Variants in KIF5B observed in about 807,000 individuals in gnomAD.
KIF5B encodes kinesin-1 heavy chain.
A neutral mutation model predicts 132.8 loss-of-function variants in KIF5B; 49 were observed. The ratio of observed to expected loss-of-function variants is 0.37; its 90% CI spans 0.29 to 0.47. The LOEUF is 0.47. KIF5B is among the 20% of genes least tolerant of loss of function. KIF5B has a pLI of 1.00. For synonymous variants in KIF5B, 355 were observed against 369.4 expected (o/e 0.96, Z 0.45); for missense variants, 780 against 1,144.0 (o/e 0.68, Z 4.59).
chr10:32,021,361 G>T, intron 17 of KIF5B, 74 bp from the exon 18 acceptor site: 2 of 1,040,708 alleles, frequency 1.9e-6, no homozygotes, highest in African/African-American at 1.6e-5. Flanking sequence ...GGAGCAAATG[G>T]ATTTTACAAT....
chr10:32,033,855 A>T lies in KIF5B; in HGVS notation c.1295T>A (p.Leu432His). The change falls in exon 12 of 26, where the codon CTT becomes CAT. Residue 432 changes from leucine to histidine, a missense_variant. By Grantham distance (99) the Leu-to-His change is moderately conservative. This residue lies in a region of KIF5B where 471 missense variants were observed against 569.9 expected (regional missense o/e 0.83). Coordinates refer to ENST00000302418, the MANE Select transcript of KIF5B (RefSeq NM_004521.3). ...EEEIAKLYKQ[L>H]DDKDEEINQQ... is the part of the protein sequence containing the mutation. The stretch of plus-strand genomic sequence containing the variant: ...TCAAGCAATACCTACCTTGTCATCA[A>T]GCTGTTTGTATAATTTAGCAATTTC... 6.2e-7 allele frequency: 1 copy of T among 1,610,438 alleles called. No homozygotes were observed. Among genetic ancestry groups the T allele is most frequent in the Admixed American group, 1.7e-5 (1 of 59,880 alleles).
Position 32,021,208 on chromosome 10 carries a change from A to G in KIF5B, c.2094+18T>C, listed in dbSNP as rs1564463629. ...TACTGATTAATTAAAGCTGTTAGAAATGTGACATCAAACTTGCCTTAACTT... is the reference window on the plus strand; with the variant it reads ...TACTGATTAATTAAAGCTGTTAGAAGTGTGACATCAAACTTGCCTTAACTT... On this transcript the variant is annotated intron_variant, in intron 18 of 25. Coordinates refer to ENST00000302418, the MANE Select transcript of KIF5B (RefSeq NM_004521.3). 2 of 1,610,864 alleles carry G rather than the reference A, an allele frequency of 1.2e-6. No individual in the cohort carries two copies. The highest frequency in any genetic ancestry group is 1.7e-6 in the Non-Finnish European group (2 of 1,177,176).
At chr10:32,012,520 G>C (rs543199169) in intron 25 of KIF5B, among the ~76,000 whole-genome samples, 2 of 152,274 alleles carry the variant, frequency 1.3e-5, no homozygotes, top group South Asian at 4.1e-4. Flanking sequence ...GTTTAAGATA[G>C]ATTATAAGAG....
At chr10:32,031,487 T>C (rs1031114236) in intron 13 of KIF5B, among the ~76,000 whole-genome samples, 4 of 152,098 alleles carry the variant, frequency 2.6e-5, no homozygotes, top group Admixed American at 6.5e-5. Flanking sequence ...AATCAAAGAC[T>C]GTGTTTAAGG....
chr10:32,041,667 A>T (rs892923091), intron 2 of KIF5B, among the ~76,000 whole-genome samples: 1 of 152,220 alleles, frequency 6.6e-6, no homozygotes, highest in Non-Finnish European at 1.5e-5. Context: ...CCCTCTGTTC[A>T]GAGTGCAATG....
chr10:32,041,651 G>T (rs1207691171), intron 2 of KIF5B, among the ~76,000 whole-genome samples: 1 of 152,124 alleles, frequency 6.6e-6, no homozygotes, highest in African/African-American at 2.4e-5. Context: ...TATGAGACAG[G>T]GTCTCCCCTC....
intron 15 of KIF5B, among the ~76,000 whole-genome samples, chr10:32,024,796 G>A (rs139205979): frequency 2.8e-4 from 42 of 150,904 alleles, no homozygotes; most frequent in Non-Finnish European, 5.5e-4. Context: ...CAACAACAGG[G>A]CCAGGCGCAG....
At chr10:32,020,020 T>A in intron 19 of KIF5B, 61 bp from the exon 20 acceptor site, 1 of 1,136,272 alleles carries the variant, frequency 8.8e-7, no homozygotes, top group Non-Finnish European at 1.3e-6. Flanking sequence ...AATGTCATCA[T>A]TAAAATTTCC....
intron 16 of KIF5B, 144 bp from the exon 17 acceptor site, chr10:32,022,401 T>G (rs1841276215): frequency 3.5e-6 from 2 of 574,280 alleles, no homozygotes; most frequent in Non-Finnish European, 6.1e-6. Context: ...TTTGAAATGT[T>G]AAAGAATGTA....
At chr10:32,013,244 C>T (rs756360295) in intron 25 of KIF5B, among the ~76,000 whole-genome samples, 5 of 152,158 alleles carry the variant, frequency 3.3e-5, no homozygotes, top group African/African-American at 1.2e-4. Context: ...ACTAATAAAA[C>T]TGCTATGAGT....
chr10:32,032,483 G>T lies in KIF5B; in HGVS notation c.1374+223C>A, dbSNP rs988616790. ...CAAAGTAAGTGACAAGAAGAGAAATGTCAAGAACCAGGGTGAAAAAAAAGA... is the reference window on the plus strand; with the variant it reads ...CAAAGTAAGTGACAAGAAGAGAAATTTCAAGAACCAGGGTGAAAAAAAAGA... On this transcript the variant is annotated intron_variant, in intron 13 of 25. Coordinates refer to ENST00000302418, the MANE Select transcript of KIF5B (RefSeq NM_004521.3). 1.1e-3 allele frequency among the ~76,000 whole-genome samples: 164 copies of T among 152,180 alleles called. 1 individual carries two copies. Among genetic ancestry groups the T allele is most frequent in the African/African-American group, 3.6e-3 (149 of 41,550 alleles).
At chr10:32,029,659 A>G (rs1171718449) in intron 14 of KIF5B, among the ~76,000 whole-genome samples, 1 of 152,214 alleles carries the variant, frequency 6.6e-6, no homozygotes, top group East Asian at 1.9e-4. Flanking sequence ...AAGCATATAA[A>G]CAGATGCTAA....
At chr10:32,029,000 T>C (rs1841365803) in intron 14 of KIF5B, among the ~76,000 whole-genome samples, 1 of 152,230 alleles carries the variant, frequency 6.6e-6, no homozygotes, top group South Asian at 2.1e-4. Context: ...CTACTTTCTA[T>C]ATACTTACTC....
chr10:32,023,333 G>A (rs2132588259), intron 15 of KIF5B, among the ~76,000 whole-genome samples: 1 of 152,186 alleles, frequency 6.6e-6, no homozygotes, highest in East Asian at 1.9e-4. Flanking sequence ...AATAAATTCT[G>A]CCTCTTTCAA....
chr10:32,026,317 A>C (rs1322642986), intron 15 of KIF5B, among the ~76,000 whole-genome samples: 1 of 151,664 alleles, frequency 6.6e-6, no homozygotes, highest in Non-Finnish European at 1.5e-5. Flanking sequence ...ACACGCCTGT[A>C]ATCCTAGCTA....
At chr10:32,031,360 G>T in intron 13 of KIF5B, 81 bp from the exon 14 acceptor site, 1 of 1,030,040 alleles carries the variant, frequency 9.7e-7, no homozygotes, top group Non-Finnish European at 1.5e-6. Context: ...CATTTGTCAA[G>T]AACAAATGGA....
At chr10:32,051,361 AATTT>A (rs1249224634) in intron 1 of KIF5B, among the ~76,000 whole-genome samples, 1 of 152,060 alleles carries the variant, frequency 6.6e-6, no homozygotes. Flanking sequence ...GCCTGGCCTC[AATTT>A]TTACATCAAT....
chr10:32,024,749 A>C (rs1841312720), intron 15 of KIF5B, among the ~76,000 whole-genome samples: 1 of 151,688 alleles, frequency 6.6e-6, no homozygotes, highest in African/African-American at 2.4e-5. Flanking sequence ...TAGGCGACAG[A>C]GCGAGACTCC....
intron 24 of KIF5B, among the ~76,000 whole-genome samples, chr10:32,016,339 C>G (rs2132577772): frequency 1.3e-5 from 2 of 152,046 alleles, no homozygotes; most frequent in Middle Eastern, 3.4e-3. Flanking sequence ...ACCTTCAATC[C>G]CAGCTACTAG....
Sources: gnomAD v4.1 joint callset for allele counts (sites outside exome capture counted in the v4.1 genomes callset) on GRCh38, gnomAD v4.1.1 for gene constraint, gnomAD v4.1.1 regional missense constraint, MANE v1.5 for transcripts, NCBI Gene and HGNC (gene_info 2026-07-23, HGNC 2026-07-21) for gene names.